Variants in USP8 observed in about 807,000 individuals in gnomAD.
USP8 encodes the protein ubiquitin specific peptidase 8, also known as ubiquitin carboxyl-terminal hydrolase 8.
USP8 carries 27 observed loss-of-function variants against 130.0 expected under a neutral mutation model. That is an observed-to-expected ratio of 0.21 (90% CI 0.15 to 0.29). The LOEUF is 0.29. USP8 is among the 10% of genes least tolerant of loss of function. The pLI, the probability that USP8 is intolerant of heterozygous loss-of-function variation, is 1.00. For synonymous variants in USP8, 392 were observed against 444.1 expected, an observed-to-expected ratio of 0.88 and a Z score of 1.48; for missense variants, 1,029 against 1,312.2, an observed-to-expected ratio of 0.78 and a Z score of 3.33.
At chr15:50,444,893 G>C (rs2050375120) in intron 3 of USP8, among the ~76,000 whole-genome samples, 1 of 152,066 alleles carries the variant, frequency 6.6e-6, no homozygotes, top group Non-Finnish European at 1.5e-5. Flanking sequence ...GAGTAGCTGG[G>C]AGTACAGACA....
chr15:50,441,681 C>T (rs1191704968), intron 3 of USP8, among the ~76,000 whole-genome samples, 188 bp downstream of exon 3: 2 of 152,072 alleles, frequency 1.3e-5, no homozygotes, highest in Non-Finnish European at 2.9e-5. Context: ...TGTGTGAACT[C>T]GTACACATTC....
intron 12 of USP8, among the ~76,000 whole-genome samples, chr15:50,485,862 C>T (rs951628711): frequency 3.9e-5 from 6 of 152,072 alleles, no homozygotes; most frequent in African/African-American, 1.4e-4. Context: ...TACACATCCT[C>T]CTATATACTT....
chr15:50,475,622 G>A (rs1228225996), intron 8 of USP8, among the ~76,000 whole-genome samples: 1 of 151,854 alleles, frequency 6.6e-6, no homozygotes, highest in Admixed American at 6.6e-5. Flanking sequence ...TATTTTTCGA[G>A]ATGAAGTCTC....
Position 50,467,852 on chromosome 15 carries a change from C to T in USP8, c.686+2661C>T, listed in dbSNP as rs1441340091. ...GATTATAGATGTGAGCCATTGCACC[C>T]GGCCTATCTGTTCTTAAAATTTTAA... On this transcript the variant is annotated intron_variant, in intron 7 of 19. Coordinates refer to ENST00000307179, the MANE Select transcript of USP8 (RefSeq NM_005154.5). Among the ~76,000 whole-genome samples, 17 of 151,204 alleles carry T rather than the reference C, an allele frequency of 1.1e-4. No homozygotes were observed. The East Asian group carries it at 1.9e-3, about 17-fold the overall frequency.
chr15:50,437,012 T>A (rs1411670938), intron 1 of USP8, among the ~76,000 whole-genome samples: 4 of 152,056 alleles, frequency 2.6e-5, no homozygotes, highest in African/African-American at 4.8e-5. Context: ...TATGTTTTTT[T>A]AAATGTGTAT....
At chr15:50,482,186 A>ATCAGTAC in intron 11 of USP8, 121 bp downstream of exon 11, 1 of 890,412 alleles carries the variant, frequency 1.1e-6, no homozygotes. Flanking sequence ...GGGGTGATAG[A>ATCAGTAC]ATGTACTGAT....
intron 4 of USP8, among the ~76,000 whole-genome samples, chr15:50,455,459 A>G (rs2141273726): frequency 6.9e-6 from 1 of 144,210 alleles, no homozygotes; most frequent in African/African-American, 2.5e-5. Flanking sequence ...CATTTATTAC[A>G]AGCACATTTT....
intron 5 of USP8, among the ~76,000 whole-genome samples, chr15:50,460,929 G>C (rs1384516934): frequency 6.6e-6 from 1 of 152,004 alleles, no homozygotes; most frequent in Non-Finnish European, 1.5e-5. Context: ...GGCCAAGGTG[G>C]GCAGGTCATT....
At chr15:50,488,824 C>T (rs923922314) in intron 12 of USP8, among the ~76,000 whole-genome samples, 5 of 151,718 alleles carry the variant, frequency 3.3e-5, no homozygotes, top group African/African-American at 9.7e-5. Context: ...CCACCTGCCT[C>T]GGCCTCCCAA....
rs1038651358 is a variant in USP8 at position 50,439,039 on chromosome 15, C to T, written c.-35C>T. ...AAGCACTTGTAAGGAAATATAGCAT[C>T]CATTGTGAAAGTGGAAAAGTAAAGA... On this transcript the variant is annotated 5_prime_UTR_variant, in exon 2 of 20. Transcript: ENST00000307179. 7.1e-7 allele frequency: 1 copy of T among 1,406,688 alleles called. No individual in the cohort carries two copies. The highest frequency in any genetic ancestry group is 1.2e-5 in the South Asian group (1 of 84,954). 87.1% of individuals were successfully genotyped at this position (1,406,688 alleles called of 1,614,324 possible). A position where few individuals can be genotyped will look rare whatever the true frequency, so the allele number is the denominator to read the frequency against.
intron 18 of USP8, chr15:50,497,646 G>A (rs116788274): frequency 0.015 from 2,358 of 152,468 alleles, 63 homozygotes; most frequent in African/African-American, 0.055. Flanking sequence ...ATACCATTAA[G>A]TGCAGAAATA....
intron 12 of USP8, among the ~76,000 whole-genome samples, chr15:50,486,247 C>G (rs1192131654): frequency 6.6e-6 from 1 of 152,140 alleles, no homozygotes; most frequent in Non-Finnish European, 1.5e-5. Context: ...CTTTGGGAGG[C>G]TGAGGCAGGT....
At chr15:50,471,212 A>G (rs560011128) in intron 7 of USP8, among the ~76,000 whole-genome samples, 9 of 152,348 alleles carry the variant, frequency 5.9e-5, no homozygotes, top group East Asian at 3.9e-4. Context: ...TTTGTTGAAT[A>G]AACATCCTGG....
At chr15:50,462,219 ATTAAAGT>A in intron 5 of USP8, 54 bp from the exon 6 acceptor site, 2 of 1,451,806 alleles carry the variant, frequency 1.4e-6, no homozygotes, top group Non-Finnish European at 1.9e-6. Flanking sequence ...TAAATGAAGT[ATTAAAGT>A]TGAATTTTTT....
At chr15:50,424,774 C>T (rs1037311782) in intron 1 of USP8, 25 of 329,090 alleles carry the variant, frequency 7.6e-5, no homozygotes, top group African/African-American at 5.1e-4. Flanking sequence ...GACCAATCTT[C>T]CGTTCTCTTG....
intron 7 of USP8, among the ~76,000 whole-genome samples, chr15:50,470,546 G>A (rs957199630): frequency 1.3e-5 from 2 of 151,860 alleles, no homozygotes; most frequent in African/African-American, 4.8e-5. Flanking sequence ...AGTTAGAGAT[G>A]AGGACATTGA....
intron 8 of USP8, among the ~76,000 whole-genome samples, chr15:50,475,993 C>T (rs2051555954): frequency 6.6e-6 from 1 of 152,138 alleles, no homozygotes; most frequent in South Asian, 2.1e-4. Context: ...GCTTAAGCAA[C>T]TCCCTTTCTG....
intron 3 of USP8, among the ~76,000 whole-genome samples, chr15:50,445,604 C>CA (rs2050408241): frequency 7.4e-6 from 1 of 135,766 alleles, no homozygotes; most frequent in African/African-American, 2.8e-5. Context: ...GTAGTCCCAG[C>CA]ACTTTGGGAG....
At chr15:50,433,668 C>T (rs1039547858) in intron 1 of USP8, among the ~76,000 whole-genome samples, 1 of 152,048 alleles carries the variant, frequency 6.6e-6, no homozygotes, top group African/African-American at 2.4e-5. Flanking sequence ...TGCAGTGGCG[C>T]GATCTCAGCT....
Sources: gnomAD v4.1 joint callset for allele counts (sites outside exome capture counted in the v4.1 genomes callset) on GRCh38, gnomAD v4.1.1 for gene constraint, MANE v1.5 for transcripts, NCBI Gene and HGNC (gene_info 2026-07-23, HGNC 2026-07-21) for gene names.